LRP1B: variants seen among roughly 807,000 people sequenced by gnomAD.
LRP1B encodes the protein LDL receptor related protein 1B, also known as low-density lipoprotein receptor-related protein 1B.
In LRP1B, 217 loss-of-function variants were observed where a neutral mutation model predicts 556.6. That is an observed-to-expected ratio of 0.39 (90% CI 0.35 to 0.44). The LOEUF is 0.44. LRP1B is among the 20% of genes least tolerant of loss of function. The pLI is 1.00. For missense variants in LRP1B, 5,053 were observed against 5,620.8 expected, an observed-to-expected ratio of 0.90 and a Z score of 3.23; for synonymous variants, 2,047 against 1,865.8, an observed-to-expected ratio of 1.10 and a Z score of -2.50.
At chr2:141,387,474 G>A (rs1223595153) in intron 3 of LRP1B, among the ~76,000 whole-genome samples, 1 of 151,984 alleles carries the variant, frequency 6.6e-6, no homozygotes, top group Non-Finnish European at 1.5e-5. Flanking sequence ...TAAAATCAAA[G>A]TATAGACATT....
At chr2:140,431,346 T>A (rs942222289) in intron 66 of LRP1B, among the ~76,000 whole-genome samples, 1 of 152,180 alleles carries the variant, frequency 6.6e-6, no homozygotes, top group African/African-American at 2.4e-5. Context: ...TTTGAGCTCC[T>A]GTATGGACGC....
At position 141,141,992 on chromosome 2, in the gene LRP1B, C is replaced by T. The variant is rs780039727; in HGVS notation, c.1013+46429G>A. On this transcript the variant is annotated intron_variant, in intron 7 of 90. Transcript: ENST00000389484. ...TTATATTGTGGGCCACAATACAAAA[C>T]GATAGGGTTTTTTTTTTTCTAAAAT... Among the ~76,000 whole-genome samples, 118 of 149,186 alleles carry T rather than the reference C, an allele frequency of 7.9e-4. 1 individual carries two copies. The Middle Eastern group carries it at 0.014, about 18-fold the overall frequency.
intron 66 of LRP1B, among the ~76,000 whole-genome samples, chr2:140,416,288 A>C (rs754830753): frequency 4.6e-5 from 7 of 152,194 alleles, no homozygotes; most frequent in Non-Finnish European, 1.0e-4. Context: ...GGATGATACT[A>C]GAGCTGATGA....
intron 84 of LRP1B, among the ~76,000 whole-genome samples, chr2:140,289,544 T>C (rs1245170177): frequency 1.3e-5 from 2 of 151,926 alleles, no homozygotes; most frequent in Non-Finnish European, 2.9e-5. Flanking sequence ...TGGTTTCTAA[T>C]AAATTTCCTT....
At chr2:142,068,248 C>A (rs993658690) in intron 1 of LRP1B, among the ~76,000 whole-genome samples, 1 of 147,986 alleles carries the variant, frequency 6.8e-6, no homozygotes, top group Non-Finnish European at 1.5e-5. Context: ...GAGTTAACTG[C>A]CACTTACACT....
At chr2:141,761,991 A>T (rs1163106150) in intron 2 of LRP1B, among the ~76,000 whole-genome samples, 1 of 152,156 alleles carries the variant, frequency 6.6e-6, no homozygotes, top group Admixed American at 6.5e-5. Flanking sequence ...TCATAAAATC[A>T]AACTCTCTGA....
chr2:141,131,190 C>A (rs186642484), intron 7 of LRP1B, among the ~76,000 whole-genome samples: 152 of 151,874 alleles, frequency 1.0e-3, no homozygotes, highest in African/African-American at 3.5e-3. Context: ...GTGGTGTAAC[C>A]TATTTTTCCA....
chr2:141,045,671 GT>G (rs201055497), intron 11 of LRP1B, among the ~76,000 whole-genome samples: 2,834 of 152,012 alleles, frequency 0.019, 54 homozygotes, highest in Middle Eastern at 0.058. Context: ...CCTTTCTGCT[GT>G]TGGATATATG....
chr2:140,643,025 G>T (rs943255518), intron 41 of LRP1B, among the ~76,000 whole-genome samples: 3 of 151,798 alleles, frequency 2.0e-5, no homozygotes, highest in Non-Finnish European at 4.4e-5. Context: ...GTGAACACAT[G>T]TGTTTTATAT....
intron 1 of LRP1B, among the ~76,000 whole-genome samples, chr2:141,910,196 C>A (rs1383582189): frequency 6.7e-6 from 1 of 149,844 alleles, no homozygotes; most frequent in Non-Finnish European, 1.5e-5. Flanking sequence ...AAATTGTCTG[C>A]ATTTTCTCTT....
chr2:141,318,531 A>G (rs1687112750), intron 3 of LRP1B, among the ~76,000 whole-genome samples: 1 of 152,160 alleles, frequency 6.6e-6, no homozygotes, highest in African/African-American at 2.4e-5. Flanking sequence ...ATGTACAGAA[A>G]TCTTCAGTTA....
At chr2:140,557,257 ATGT>A (rs1214225289) in intron 43 of LRP1B, among the ~76,000 whole-genome samples, 7 of 152,138 alleles carry the variant, frequency 4.6e-5, no homozygotes, top group Non-Finnish European at 1.0e-4. Context: ...CATTTGGAAA[ATGT>A]TGTTTATTTT....
chr2:140,810,648 GGTAAT>G (rs1420655257), intron 32 of LRP1B, among the ~76,000 whole-genome samples: 3 of 151,990 alleles, frequency 2.0e-5, no homozygotes, highest in Non-Finnish European at 4.4e-5. Flanking sequence ...GATTCTCTTT[GGTAAT>G]GTACTTTAAA....
intron 3 of LRP1B, among the ~76,000 whole-genome samples, chr2:141,367,915 A>G (rs988584410): frequency 6.6e-6 from 1 of 152,192 alleles, no homozygotes; most frequent in African/African-American, 2.4e-5. Flanking sequence ...TCATCATAAA[A>G]CAAACAAAAT....
chr2:140,265,414 AT>A (rs1277402182), intron 86 of LRP1B, among the ~76,000 whole-genome samples: 1 of 152,084 alleles, frequency 6.6e-6, no homozygotes, highest in African/African-American at 2.4e-5. Context: ...TTTTCTGTTT[AT>A]TCCACACATA....
At chr2:141,312,468 C>A (rs1686848962) in intron 3 of LRP1B, among the ~76,000 whole-genome samples, 1 of 152,012 alleles carries the variant, frequency 6.6e-6, no homozygotes, top group African/African-American at 2.4e-5. Context: ...TTCTGGGCAA[C>A]AATAGGCTGT....
At chr2:141,773,944 G>A (rs1009367867) in intron 2 of LRP1B, among the ~76,000 whole-genome samples, 1 of 152,186 alleles carries the variant, frequency 6.6e-6, no homozygotes, top group Non-Finnish European at 1.5e-5. Context: ...CAGTGTTTAT[G>A]TCCAGAACTC....
intron 79 of LRP1B, among the ~76,000 whole-genome samples, chr2:140,329,692 G>GGT (rs936756519): frequency 2.0e-5 from 3 of 151,722 alleles, no homozygotes; most frequent in African/African-American, 7.3e-5. Flanking sequence ...TAACAAGGGA[G>GGT]GTGAAGGACC....
intron 3 of LRP1B, among the ~76,000 whole-genome samples, chr2:141,305,275 G>A (rs560716232): frequency 2.0e-5 from 3 of 152,206 alleles, no homozygotes; most frequent in Non-Finnish European, 4.4e-5. Flanking sequence ...ACGTTTTGTA[G>A]TTTTCCTTGT....
Sources: allele counts gnomAD v4.1 joint callset (sites outside exome capture counted in the v4.1 genomes callset), GRCh38; gene constraint gnomAD v4.1.1; transcripts MANE v1.5; gene names NCBI Gene and HGNC (gene_info 2026-07-23, HGNC 2026-07-21).